FAM149B1: variants seen among roughly 807,000 people sequenced by gnomAD.
FAM149B1 encodes the protein family with sequence similarity 149 member B1, also known as primary cilium assembly protein FAM149B1.
Under a neutral mutation model 75.3 loss-of-function variants are expected in FAM149B1, and 56 were observed. The observed-to-expected ratio is 0.74, with a 90% CI of 0.60 to 0.93. The LOEUF (loss-of-function observed/expected upper bound fraction) is 0.93, where lower values mean the gene tolerates loss of function less well. Ranked by LOEUF, FAM149B1 falls within the 40% of genes least tolerant of loss-of-function variation. FAM149B1 has a pLI of 0.00. For synonymous variants in FAM149B1, 259 were observed against 256.1 expected (o/e 1.01, Z -0.11); for missense variants, 639 against 708.4 (o/e 0.90, Z 1.11).
chr10:73,240,481 G>A (rs1379415195), intron 13 of FAM149B1, among the ~76,000 whole-genome samples: 2 of 152,188 alleles, frequency 1.3e-5, no homozygotes, highest in African/African-American at 4.8e-5. Context: ...CGGAGGCCAA[G>A]GCGGGCGGAT....
At chr10:73,218,970 C>A (rs2043351723) in intron 7 of FAM149B1, among the ~76,000 whole-genome samples, 1 of 152,122 alleles carries the variant, frequency 6.6e-6, no homozygotes, top group Admixed American at 6.6e-5. Flanking sequence ...CTACAGGAGA[C>A]CATTTCACTA....
intron 5 of FAM149B1, among the ~76,000 whole-genome samples, chr10:73,207,340 G>C (rs562010321): frequency 2.0e-5 from 3 of 152,194 alleles, no homozygotes; most frequent in South Asian, 4.2e-4. Context: ...AAGATGGGCA[G>C]ATCACTAGAG....
chr10:73,195,887 C>T (rs1468269452), intron 5 of FAM149B1, among the ~76,000 whole-genome samples: 1 of 152,154 alleles, frequency 6.6e-6, no homozygotes, highest in Non-Finnish European at 1.5e-5. Flanking sequence ...TATATTAGCA[C>T]ACCACTACTT....
intron 5 of FAM149B1, among the ~76,000 whole-genome samples, chr10:73,202,922 C>G (rs1325686175): frequency 6.6e-6 from 1 of 152,078 alleles, no homozygotes; most frequent in Non-Finnish European, 1.5e-5. Flanking sequence ...TCATCTCTTA[C>G]CATCTCCATC....
chr10:73,198,022 C>A (rs1450892515), intron 5 of FAM149B1, among the ~76,000 whole-genome samples: 2 of 152,120 alleles, frequency 1.3e-5, no homozygotes, highest in Non-Finnish European at 2.9e-5. Context: ...CTTTAAAAAT[C>A]ATTAAAAGAA....
chr10:73,200,903 T>G, intron 5 of FAM149B1: 1 of 479,224 alleles, frequency 2.1e-6, no homozygotes, highest in Non-Finnish European at 4.2e-6. Flanking sequence ...GACGTCACAG[T>G]TTTTGCTCTG....
intron 3 of FAM149B1, among the ~76,000 whole-genome samples, chr10:73,186,600 C>T (rs2042526358): frequency 6.6e-6 from 1 of 152,148 alleles, no homozygotes; most frequent in African/African-American, 2.4e-5. Context: ...ATTACCACCC[C>T]CCAAATCTAA....
intron 5 of FAM149B1, chr10:73,200,130 A>C (rs1279193607): frequency 5.8e-6 from 1 of 171,464 alleles, no homozygotes; most frequent in Non-Finnish European, 1.3e-5. Context: ...GGAGTTCGAG[A>C]CCAGCCTGGC....
chr10:73,236,188 G>A (rs1334465746), intron 12 of FAM149B1, among the ~76,000 whole-genome samples: 1 of 151,324 alleles, frequency 6.6e-6, no homozygotes, highest in African/African-American at 2.4e-5. Context: ...CTCTGTATTA[G>A]TTTCCTAGGG....
intron 1 of FAM149B1, among the ~76,000 whole-genome samples, chr10:73,171,729 C>T (rs1382346629): frequency 1.3e-5 from 2 of 151,386 alleles, no homozygotes; most frequent in East Asian, 1.9e-4. Flanking sequence ...CCCAGGTTCA[C>T]GCCATTCTTC....
intron 3 of FAM149B1, among the ~76,000 whole-genome samples, chr10:73,181,351 G>A (rs987274736): frequency 6.6e-6 from 1 of 152,124 alleles, no homozygotes; most frequent in African/African-American, 2.4e-5. Context: ...GATTGTTCAT[G>A]TGAAGTTTTT....
At chr10:73,187,636 G>A (rs972021757) in intron 3 of FAM149B1, among the ~76,000 whole-genome samples, 1 of 152,062 alleles carries the variant, frequency 6.6e-6, no homozygotes, top group African/African-American at 2.4e-5. Context: ...GGCTGAGGCA[G>A]GAGAATGGCT....
chr10:73,223,372 T>C (rs547492645), intron 7 of FAM149B1, among the ~76,000 whole-genome samples: 5 of 152,342 alleles, frequency 3.3e-5, no homozygotes, highest in Admixed American at 6.5e-5. Context: ...AATTCAGTTA[T>C]GTTTTGCTCG....
intron 2 of FAM149B1, 97 bp from the exon 3 acceptor site, chr10:73,177,749 A>G (rs1015429210): frequency 6.7e-6 from 7 of 1,038,484 alleles, no homozygotes; most frequent in Admixed American, 2.5e-5. Context: ...ACACATGTTA[A>G]TCACCTAGTA....
intron 8 of FAM149B1, among the ~76,000 whole-genome samples, chr10:73,229,148 G>A (rs898058236): frequency 2.0e-5 from 3 of 152,148 alleles, no homozygotes; most frequent in Admixed American, 2.0e-4. Context: ...CACAAAGATG[G>A]TATTTCTTGC....
At chr10:73,208,078 T>C (rs2043107115) in intron 5 of FAM149B1, among the ~76,000 whole-genome samples, 1 of 152,216 alleles carries the variant, frequency 6.6e-6, no homozygotes, top group Admixed American at 6.5e-5. Context: ...AGGTGGGGCC[T>C]GGTGGGAGGT....
Position 73,208,799 on chromosome 10 carries a change from C to T in FAM149B1, c.710+13C>T. 7.0e-7 allele frequency: 1 copy of T among 1,418,766 alleles called. No homozygotes were observed. The allele number at this position is 1,418,766 out of a possible 1,614,324, so 87.9% of individuals were successfully genotyped here. A position where few individuals can be genotyped will look rare whatever the true frequency, so the allele number is the denominator to read the frequency against. ...ATCACATAGATATGTGAGTATTATG[C>T]CTTTTAAGCTTTTTACTCCCCTCTT... On this transcript the variant is annotated intron_variant, in intron 6 of 13. Coordinates refer to ENST00000242505, the MANE Select transcript of FAM149B1 (RefSeq NM_173348.2).
At chr10:73,219,728 G>A (rs1339915795) in intron 7 of FAM149B1, among the ~76,000 whole-genome samples, 8 of 152,108 alleles carry the variant, frequency 5.3e-5, no homozygotes, top group African/African-American at 1.4e-4. Context: ...GTTGGATCCT[G>A]ACTTCATACC....
At chr10:73,218,844 T>TCCC (rs1218101783) in intron 7 of FAM149B1, among the ~76,000 whole-genome samples, 1 of 152,178 alleles carries the variant, frequency 6.6e-6, no homozygotes, top group Non-Finnish European at 1.5e-5. Context: ...TGAACAGTTT[T>TCCC]CCCCTCAATT....
Sources: gnomAD v4.1 joint callset for allele counts (sites outside exome capture counted in the v4.1 genomes callset) on GRCh38, gnomAD v4.1.1 for gene constraint, MANE v1.5 for transcripts, NCBI Gene and HGNC (gene_info 2026-07-23, HGNC 2026-07-21) for gene names.